CDHR2: variants seen among roughly 807,000 people sequenced by gnomAD.
CDHR2 encodes cadherin-related family member 2.
A neutral mutation model predicts 138.6 loss-of-function variants in CDHR2; 104 were observed. The observed-to-expected ratio is 0.75, with a 90% confidence interval of 0.64 to 0.88. The LOEUF is 0.88. Among genes scored for constraint, CDHR2 ranks in the 40% least tolerant of loss-of-function variants. The pLI is 0.00. For synonymous variants in CDHR2, 755 were observed against 742.8 expected, an observed-to-expected ratio of 1.02 and a Z score of -0.27; for missense variants, 1,624 against 1,727.6, an observed-to-expected ratio of 0.94 and a Z score of 1.06.
intron 21 of CDHR2, among the ~76,000 whole-genome samples, chr5:176,587,909 G>A (rs1758706751): frequency 6.6e-6 from 1 of 152,194 alleles, no homozygotes; most frequent in Non-Finnish European, 1.5e-5. Flanking sequence ...CCAATCTTCT[G>A]CCAATTTGGT....
chr5:176,567,681 C>T (rs1171973845), intron 3 of CDHR2, among the ~76,000 whole-genome samples: 1 of 152,002 alleles, frequency 6.6e-6, no homozygotes, highest in Non-Finnish European at 1.5e-5. Context: ...TTAGTAGAGA[C>T]GGGGTTTCAC....
chr5:176,592,579 AGTT>A, intron 30 of CDHR2, 141 bp from the exon 31 acceptor site: 1 of 657,534 alleles, frequency 1.5e-6, no homozygotes. Flanking sequence ...TGATGATGGT[AGTT>A]GTGATGATGG....
rs754631965 is a variant in CDHR2, at chr5:176,581,531, C to T, written c.2007C>T (p.Asp669=). Residue 669 remains aspartate (D), a synonymous_variant, in exon 17 of 32, where the codon GAC becomes GAT. Transcript: ENST00000261944. ...GRIVLTVLVS[D]CGEPVLGTKV... is the part of the protein sequence containing the mutation. ...TTGTGCTGACAGTGCTTGTGTCTGA[C>T]TGCGGCGAGCCTGTCCTCGGCACCA... 1 of 1,614,148 alleles carries T rather than the reference C, an allele frequency of 6.2e-7. No homozygotes were observed. The highest frequency in any genetic ancestry group is 8.5e-7 in the Non-Finnish European group (1 of 1,180,052).
At position 176,584,988 on chromosome 5, in the gene CDHR2, C is replaced by A. The variant is rs1281660558; in HGVS notation, c.2707C>A (p.Pro903Thr). 2.6e-6 allele frequency: 4 copies of A among 1,548,810 alleles called. No homozygotes were observed. Among genetic ancestry groups the A allele is most frequent in the Non-Finnish European group, 2.6e-6 (3 of 1,143,604 alleles). ...GCGGGCCTGTGACCTAGCCACGGACCCCGGCTTCCAGGCCTACAGCAACAA... is the reference window on the plus strand; with the variant it reads ...GCGGGCCTGTGACCTAGCCACGGACACCGGCTTCCAGGCCTACAGCAACAA... ...VVRACDLATD[P>T]GFQAYSNNGS... Residue 903 changes from proline (P) to threonine (T), a missense_variant, in exon 19 of 32, where the codon CCC (proline) becomes ACC (threonine). Pro to Thr is a conservative substitution (Grantham distance 38). Coordinates refer to ENST00000261944, the MANE Select transcript of CDHR2 (RefSeq NM_017675.6).
At position 176,578,212 on chromosome 5, in the gene CDHR2, A is replaced by G. The variant is rs868238641; in HGVS notation, c.1574+117A>G. 7 of 1,235,886 alleles carry G rather than the reference A, an allele frequency of 5.7e-6. No homozygotes were observed. The Middle Eastern group carries it at 5.8e-4, about 102-fold the overall frequency. 76.6% of individuals were successfully genotyped at this position (1,235,886 alleles called of 1,614,324 possible). On this transcript the variant is annotated intron_variant, in intron 15 of 31. Coordinates refer to ENST00000261944, the MANE Select transcript of CDHR2 (RefSeq NM_017675.6). ...ACCGAAGGCACTCAGTTACATTTCAATTTCAGATAAACAAGGAATGACTTT... is the reference window on the plus strand; with the variant it reads ...ACCGAAGGCACTCAGTTACATTTCAGTTTCAGATAAACAAGGAATGACTTT...
At chr5:176,560,623 C>T (rs115065879) in intron 1 of CDHR2, among the ~76,000 whole-genome samples, 144 of 152,330 alleles carry the variant, frequency 9.5e-4, no homozygotes, top group African/African-American at 3.3e-3. Context: ...TGGTACTTTG[C>T]GTACTCGTCT....
chr5:176,587,318 C>G (rs1210155215), intron 21 of CDHR2, among the ~76,000 whole-genome samples: 3 of 152,092 alleles, frequency 2.0e-5, no homozygotes, highest in Non-Finnish European at 4.4e-5. Flanking sequence ...TGTGGTGGTG[C>G]ATGCCTGTAA....
chr5:176,568,656 G>A (rs1758135824), intron 3 of CDHR2, 22 bp from the exon 4 acceptor site: 1 of 1,612,624 alleles, frequency 6.2e-7, no homozygotes, highest in Middle Eastern at 1.7e-4. Context: ...TGGACCCTGG[G>A]TGGCCCCTGT....
In CDHR2 at chr5:176,553,739, C is replaced by T. The variant is rs1757761937; in HGVS notation, c.-16+4325C>T. Among the ~76,000 whole-genome samples, 1 of 150,992 alleles carries T rather than the reference C, an allele frequency of 6.6e-6. No individual in the cohort carries two copies. The highest frequency in any genetic ancestry group is 2.1e-4 in the South Asian group (1 of 4,666). On this transcript the variant is annotated intron_variant, in intron 1 of 31. Transcript: ENST00000261944. This position sits in a 1 kb window ranked among gnomAD's most constrained non-coding sequence, Gnocchi z 4.3. ...CCGCCAGCCCCGCCACCACCACCAT[C>T]TCCCTCCCCCAACTGTCACCTCCAC...
At chr5:176,571,755 C>T (rs1758238684) in intron 6 of CDHR2, among the ~76,000 whole-genome samples, 1 of 148,966 alleles carries the variant, frequency 6.7e-6, no homozygotes, top group South Asian at 2.2e-4. Context: ...CCAGGATGGT[C>T]TCGATTTCCT....
At chr5:176,577,918 T>G (rs1758434796) in intron 14 of CDHR2, 116 bp from the exon 15 acceptor site, 2 of 1,477,132 alleles carry the variant, frequency 1.4e-6, no homozygotes, top group Admixed American at 1.9e-5. Context: ...AATCTGAGTG[T>G]GCTGGGGATT....
intron 1 of CDHR2, among the ~76,000 whole-genome samples, chr5:176,555,665 G>T (rs1260210012): frequency 6.6e-6 from 1 of 152,132 alleles, no homozygotes; most frequent in Non-Finnish European, 1.5e-5. Flanking sequence ...CCAGCACTTT[G>T]GGAGGCCGAG....
chr5:176,586,893 A>G, intron 21 of CDHR2, 51 bp downstream of exon 21: 3 of 1,500,778 alleles, frequency 2.0e-6, no homozygotes, highest in Non-Finnish European at 1.8e-6. Flanking sequence ...CAGGGGACAC[A>G]GGGCTGAGGC....
chr5:176,544,921 C>A (rs1470479283), upstream of CDHR2, among the ~76,000 whole-genome samples: 1 of 152,120 alleles, frequency 6.6e-6, no homozygotes, highest in African/African-American at 2.4e-5. Context: ...CCCAGACTCT[C>A]CGGGTCACCT....
intron 5 of CDHR2, among the ~76,000 whole-genome samples, chr5:176,569,482 C>G (rs1261210465): frequency 6.6e-6 from 1 of 151,896 alleles, no homozygotes; most frequent in Non-Finnish European, 1.5e-5. Flanking sequence ...CGGGGTTTCA[C>G]TGTGTTAGCC....
chr5:176,561,742 C>T (rs897597549), intron 1 of CDHR2, among the ~76,000 whole-genome samples: 5 of 150,946 alleles, frequency 3.3e-5, no homozygotes, highest in African/African-American at 4.9e-5. Flanking sequence ...CGGGTTCGAG[C>T]GATTCTCCTG....
intron 21 of CDHR2, among the ~76,000 whole-genome samples, chr5:176,588,617 A>G (rs566094667): frequency 8.6e-4 from 88 of 102,478 alleles, no homozygotes; most frequent in Admixed American, 8.2e-3. Flanking sequence ...ATATGTGTGT[A>G]AGTGTGTGTT....
intron 1 of CDHR2, among the ~76,000 whole-genome samples, chr5:176,564,084 T>G (rs1450371872): frequency 6.6e-6 from 1 of 152,170 alleles, no homozygotes; most frequent in Non-Finnish European, 1.5e-5. Flanking sequence ...ACAGTGAACA[T>G]AGAGCATACA....
rs1354157460 is a variant in CDHR2 at position 176,584,256 on chromosome 5, C to A, written c.2125C>A (p.Pro709Thr). The A allele has an allele frequency of 2.2e-5, 35 of 1,613,874 alleles. No homozygotes were observed. Among genetic ancestry groups the A allele is most frequent in the Non-Finnish European group, 2.8e-5 (33 of 1,179,784 alleles). Residue 709 changes from proline to threonine, a missense_variant, in exon 18 of 32, where the codon CCA becomes ACA. By Grantham distance (38) the Pro-to-Thr change is conservative (BLOSUM62 -1). Around this residue, in one of 3 missense-constraint regions of CDHR2, gnomAD observed 1,061 missense variants for 1,136.6 expected, o/e 0.93. Coordinates refer to ENST00000261944, the MANE Select transcript of CDHR2 (RefSeq NM_017675.6). ...SYNFTVKEEDPGVLVGVVKAW... is the reference protein window; with the variant it reads ...SYNFTVKEEDTGVLVGVVKAW... ...CAACTTTACGGTGAAGGAGGAGGAT[C>A]CAGGTATGTGCTCCCTGGGCCAGGA...
Sources: gnomAD v4.1 joint callset for allele counts (sites outside exome capture counted in the v4.1 genomes callset) on GRCh38, gnomAD v4.1.1 for gene constraint, gnomAD v4.1.1 regional missense constraint, Gnocchi (gnomAD v3.1) non-coding constraint, MANE v1.5 for transcripts, NCBI Gene and HGNC (gene_info 2026-07-23, HGNC 2026-07-21) for gene names.